KASH5: variants seen among roughly 807,000 people sequenced by gnomAD.
The protein encoded by KASH5 is protein KASH5.
KASH5 carries 72 observed loss-of-function variants against 84.2 expected under a neutral mutation model. The observed-to-expected ratio is 0.85, with a 90% CI of 0.71 to 1.04. The LOEUF (loss-of-function observed/expected upper bound fraction) is 1.04, where lower values mean the gene tolerates loss of function less well. Among genes scored for constraint, KASH5 ranks in the 50% least tolerant of loss-of-function variants. KASH5 has a pLI of 0.00. For synonymous variants in KASH5, 260 were observed against 279.1 expected (o/e 0.93, Z 0.68); for missense variants, 650 against 701.0 (o/e 0.93, Z 0.82).
intron 9 of KASH5, among the ~76,000 whole-genome samples, chr19:49,403,387 G>T (rs551274892): frequency 9.1e-4 from 25 of 27,510 alleles, no homozygotes; most frequent in Non-Finnish European, 1.6e-3. Context: ...AAAAAAAAAG[G>T]GGGGGGGCAG....
At position 49,395,020 on chromosome 19, in the gene KASH5, G is replaced by C; in HGVS notation, c.149-86G>C. 9.3e-7 allele frequency: 1 copy of C among 1,078,626 alleles called. No homozygotes were observed. The highest frequency in any genetic ancestry group is 1.3e-6 in the Non-Finnish European group (1 of 766,836). 66.8% of individuals were successfully genotyped at this position (1,078,626 alleles called of 1,614,324 possible). ...AGCAGGAGTGCCACCAGCCTAGCCAGTGACATCCTGGTCCCAAGCTGCTGC... is the reference window on the plus strand; with the variant it reads ...AGCAGGAGTGCCACCAGCCTAGCCACTGACATCCTGGTCCCAAGCTGCTGC... On this transcript the variant is annotated intron_variant, in intron 3 of 19. Transcript: ENST00000447857. This position sits in a 1 kb window ranked among gnomAD's most constrained non-coding sequence, Gnocchi z 4.4.
chr19:49,415,310 C>G (rs923250912), intron 17 of KASH5: 3 of 442,472 alleles, frequency 6.8e-6, no homozygotes, highest in Non-Finnish European at 1.3e-5. Flanking sequence ...TAAATGCACA[C>G]GCACATGCGC....
intron 15 of KASH5, among the ~76,000 whole-genome samples, chr19:49,410,325 G>GT (rs969260489): frequency 1.1e-4 from 16 of 151,860 alleles, no homozygotes; most frequent in African/African-American, 2.4e-4. Flanking sequence ...AACCATTGGG[G>GT]TTTTTTTTGT....
chr19:49,403,177 G>A (rs182183934), intron 9 of KASH5, among the ~76,000 whole-genome samples: 24 of 152,282 alleles, frequency 1.6e-4, no homozygotes, highest in Non-Finnish European at 2.1e-4. Context: ...CTAACATGGT[G>A]AAACCCCCGT....
intron 7 of KASH5, among the ~76,000 whole-genome samples, 157 bp from the exon 8 acceptor site, chr19:49,398,868 T>C (rs1353688488): frequency 6.6e-6 from 1 of 152,144 alleles, no homozygotes; most frequent in Non-Finnish European, 1.5e-5. Context: ...TTCTCCTCTT[T>C]TCTCTCTGGG....
chr19:49,416,877 G>T lies in KASH5; in HGVS notation c.1375-138G>T, dbSNP rs938864207. On this transcript the variant is annotated intron_variant, in intron 17 of 19. Transcript: ENST00000447857. This position sits in a 1 kb window ranked among gnomAD's most constrained non-coding sequence, Gnocchi z 5.4. ...CAGAAGCTGGCAGAAATGGGAACCC[G>T]ACCTGGCAGCAGAAGTGCACTCACT... is the stretch of plus-strand genomic sequence containing the variant. 5 of 829,694 alleles carry T rather than the reference G, an allele frequency of 6.0e-6. No individual in the cohort carries two copies. Among genetic ancestry groups the T allele is most frequent in the Non-Finnish European group, 9.8e-6 (5 of 511,700 alleles). The allele number at this position is 829,694 out of a possible 1,614,324, so 51.4% of individuals were successfully genotyped here. A position where few individuals can be genotyped will look rare whatever the true frequency, so the allele number is the denominator to read the frequency against.
intron 5 of KASH5, among the ~76,000 whole-genome samples, chr19:49,396,387 T>C (rs1212258523): frequency 2.0e-5 from 3 of 151,954 alleles, no homozygotes; most frequent in Admixed American, 1.3e-4. Context: ...TCCGCATAGC[T>C]GGGATTACAG....
chr19:49,396,949 G>A (rs924580880), intron 5 of KASH5, among the ~76,000 whole-genome samples: 1 of 151,836 alleles, frequency 6.6e-6, no homozygotes, highest in Non-Finnish European at 1.5e-5. Flanking sequence ...TCCTAGCCGG[G>A]ACACTGAGTC....
At chr19:49,413,956 GA>G (rs1258277512) in intron 16 of KASH5, among the ~76,000 whole-genome samples, 9 of 152,100 alleles carry the variant, frequency 5.9e-5, no homozygotes, top group Non-Finnish European at 1.2e-4. Context: ...TTTTGGGTCT[GA>G]AGCTGGTGGT....
At chr19:49,405,468 A>AAG (rs1555792682) in intron 9 of KASH5, among the ~76,000 whole-genome samples, 1 of 138,400 alleles carries the variant, frequency 7.2e-6, no homozygotes, top group African/African-American at 2.5e-5. Flanking sequence ...AAAAAAAAAA[A>AAG]AAAAAAGAAA....
In KASH5 at chr19:49,409,870, G is replaced by A; in HGVS notation, c.1264G>A (p.Gly422Arg). 6.2e-7 allele frequency: 1 copy of A among 1,613,530 alleles called. No individual in the cohort carries two copies. The highest frequency in any genetic ancestry group is 1.1e-5 in the South Asian group (1 of 91,052). ...GTTTCCATCTGAAGCCCCAGCTGGG[G>A]GACAGGTGAGCACAGGAAAAGCTCT... ...TEFPSEAPAGGQRNFQGEPAH... is the reference protein window; with the variant it reads ...TEFPSEAPAGRQRNFQGEPAH... The change falls in exon 15 of 20, where the codon GGA becomes AGA. Residue 422 changes from glycine to arginine, a missense_variant. By Grantham distance (125) the Gly-to-Arg change is moderately radical. Transcript: ENST00000447857.
intron 5 of KASH5, among the ~76,000 whole-genome samples, chr19:49,396,898 A>G (rs1974199958): frequency 6.6e-6 from 1 of 152,176 alleles, no homozygotes. Flanking sequence ...ATCTCTACTA[A>G]AAATAAAAAA....
intron 9 of KASH5, among the ~76,000 whole-genome samples, chr19:49,401,249 A>C (rs904087176): frequency 6.6e-6 from 1 of 152,176 alleles, no homozygotes; most frequent in Non-Finnish European, 1.5e-5. Flanking sequence ...GGCTGGGGTC[A>C]CTGCCCAAAG....
Position 49,406,964 on chromosome 19 carries a change from G to C in KASH5, c.876+1G>C, listed in dbSNP as rs751428531. On this transcript the variant is annotated splice_donor_variant, in intron 10 of 19. Transcript: ENST00000447857. LOFTEE classifies it high-confidence loss of function. ...GGCCATGGAGAAGGACACTTTGAAG[G>C]TGCCACTCCTTCCTAGTGCCTGACA... 1.3e-6 allele frequency: 2 copies of C among 1,586,580 alleles called. No homozygotes were observed. Among genetic ancestry groups the C allele is most frequent in the Non-Finnish European group, 1.7e-6 (2 of 1,166,374 alleles).
rs374390702 is a variant in KASH5 at position 49,417,170 on chromosome 19, G to A, written c.1451G>A (p.Arg484Gln). The A allele has an allele frequency of 2.0e-5, 33 of 1,613,582 alleles. No individual in the cohort carries two copies. The African/African-American group carries it at 2.3e-4, about 11-fold the overall frequency. Reference protein sequence around the residue: ...PENPPERPARRELQQALVPVM... With the variant: ...PENPPERPARQELQQALVPVM... Reference sequence around the variant, plus strand: ...CTTCACCCCAGCAGACCTGCGCGGCGGGAACTCCAGCAAGCCCTGGTGCCT... The same window carrying A: ...CTTCACCCCAGCAGACCTGCGCGGCAGGAACTCCAGCAAGCCCTGGTGCCT... The change falls in exon 19 of 20, where the codon CGG becomes CAG. Residue 484 changes from arginine (R) to glutamine (Q), a missense_variant. Transcript: ENST00000447857. This position sits in a 1 kb window ranked among gnomAD's most constrained non-coding sequence, Gnocchi z 5.2.
chr19:49,407,815 G>A, intron 12 of KASH5, 144 bp downstream of exon 12: 1 of 770,234 alleles, frequency 1.3e-6, no homozygotes, highest in Non-Finnish European at 2.2e-6. Flanking sequence ...CTGTATGACT[G>A]CATGTCTCCC....
At chr19:49,393,112 G>C (rs1018236909) in intron 2 of KASH5, among the ~76,000 whole-genome samples, 2 of 152,154 alleles carry the variant, frequency 1.3e-5, no homozygotes, top group African/African-American at 2.4e-5. Context: ...ATGTTAAACA[G>C]GGTGACCTTT....
chr19:49,417,558 T>G lies in KASH5; in HGVS notation c.*48T>G, dbSNP rs369222690. The G allele has an allele frequency of 2.7e-6, 4 of 1,470,916 alleles. No individual in the cohort carries two copies. In the East Asian group the frequency reaches 7.5e-5, roughly 28 times the overall value. The allele number at this position is 1,470,916 out of a possible 1,614,324, so 91.1% of individuals were successfully genotyped here. A position where few individuals can be genotyped will look rare whatever the true frequency, so the allele number is the denominator to read the frequency against. On this transcript the variant is annotated 3_prime_UTR_variant, in exon 20 of 20. Transcript: ENST00000447857. This position sits in a 1 kb window ranked among gnomAD's most constrained non-coding sequence, Gnocchi z 5.2. ...GCAGTGTCTAGCTCAATAAATCCCC[T>G]GGCCCTCTCTCCACTGGGATCCCCA...
intron 2 of KASH5, chr19:49,393,460 G>C (rs1005932272): frequency 6.6e-6 from 1 of 152,170 alleles, no homozygotes; most frequent in Non-Finnish European, 1.5e-5. Flanking sequence ...GTTGCCCCCT[G>C]GATCTACCCC....
Sources: gnomAD v4.1 joint callset for allele counts (sites outside exome capture counted in the v4.1 genomes callset) on GRCh38, gnomAD v4.1.1 for gene constraint, Gnocchi (gnomAD v3.1) non-coding constraint, MANE v1.5 for transcripts, NCBI Gene and HGNC (gene_info 2026-07-23, HGNC 2026-07-21) for gene names.